Variants in ZNF254 observed in about 807,000 individuals in gnomAD.
The protein encoded by ZNF254 is zinc finger protein 254.
Under a neutral mutation model 12.4 loss-of-function variants are expected in ZNF254, and 10 were observed. The ratio of observed to expected loss-of-function variants is 0.80; its 90% confidence interval spans 0.50 to 1.36. The LOEUF is 1.36. Among genes scored for constraint, ZNF254 ranks in the 40% most tolerant of loss-of-function variants. ZNF254 has a pLI of 0.00. For synonymous variants in ZNF254, 305 were observed against 253.4 expected, an observed-to-expected ratio of 1.20 and a Z score of -1.93; for missense variants, 996 against 763.9, an observed-to-expected ratio of 1.30 and a Z score of -3.58.
intron 2 of ZNF254, among the ~76,000 whole-genome samples, chr19:24,062,299 G>C (rs375158967): frequency 6.6e-6 from 1 of 152,112 alleles, no homozygotes; most frequent in Non-Finnish European, 1.5e-5. Context: ...CCTCACACAT[G>C]AAAGAGCCCA....
At chr19:24,097,206 T>C (rs1214858874) in intron 1 of ZNF254, among the ~76,000 whole-genome samples, 2 of 152,224 alleles carry the variant, frequency 1.3e-5, no homozygotes, top group African/African-American at 2.4e-5. Flanking sequence ...GAGATTATTC[T>C]TATGATAGTC....
intron 2 of ZNF254, among the ~76,000 whole-genome samples, chr19:24,075,236 T>C (rs1393914360): frequency 6.6e-6 from 1 of 152,132 alleles, no homozygotes; most frequent in African/African-American, 2.4e-5. Context: ...GGGTCTCACA[T>C]ATTTTGAGTA....
intron 1 of ZNF254, among the ~76,000 whole-genome samples, chr19:24,043,461 T>G (rs1337811341): frequency 1.3e-5 from 2 of 152,044 alleles, no homozygotes; most frequent in Non-Finnish European, 2.9e-5. Context: ...GGCATTTCAC[T>G]ATATTGGTCA....
At chr19:24,086,424 G>A (rs1389865725), upstream of ZNF254, among the ~76,000 whole-genome samples, 1 of 151,902 alleles carries the variant, frequency 6.6e-6, no homozygotes, top group Non-Finnish European at 1.5e-5. Flanking sequence ...TGCTGCCTCA[G>A]CCACCCGAGA....
chr19:24,087,169 C>A, upstream of ZNF254: 1 of 1,148,686 alleles, frequency 8.7e-7, no homozygotes, highest in Non-Finnish European at 1.3e-6. Context: ...GACAAAGCGG[C>A]TTCCGGGATA....
At chr19:24,048,081 G>T (rs1330275310) in intron 2 of ZNF254, among the ~76,000 whole-genome samples, 1 of 128,518 alleles carries the variant, frequency 7.8e-6, no homozygotes, top group Non-Finnish European at 1.6e-5. Context: ...AGACTTAGTC[G>T]CCAGAGGGAC....
At chr19:24,118,007 G>A (rs1386290946) in intron 3 of ZNF254, among the ~76,000 whole-genome samples, 2 of 150,832 alleles carry the variant, frequency 1.3e-5, no homozygotes, top group African/African-American at 2.4e-5. Context: ...AATAGTATGT[G>A]CATCCTTGTT....
chr19:24,039,777 G>A (rs1970091691), intron 1 of ZNF254, among the ~76,000 whole-genome samples: 1 of 152,330 alleles, frequency 6.6e-6, no homozygotes, highest in South Asian at 2.1e-4. Context: ...GAAGGGAGTT[G>A]CACAGAAGAC....
intron 2 of ZNF254, among the ~76,000 whole-genome samples, chr19:24,069,003 G>GTTTCT (rs946896973): frequency 1.8e-4 from 28 of 152,048 alleles, no homozygotes; most frequent in African/African-American, 6.5e-4. Context: ...ATGATATTGC[G>GTTTCT]TTTCTTTTCT....
At chr19:24,124,801 A>G (rs775573314) in intron 3 of ZNF254, among the ~76,000 whole-genome samples, 1 of 148,986 alleles carries the variant, frequency 6.7e-6, no homozygotes, top group Non-Finnish European at 1.5e-5. Context: ...CAAGAGTCTC[A>G]CTGTATCCTC....
Position 24,129,908 on chromosome 19 carries a change from A to G in ZNF254, c.*1928A>G, listed in dbSNP as rs1242596840. ...CTGCAAGCACATATGGACTCTTAGA[A>G]TTGATTTACATAAAATTAAATATAT... is the stretch of plus-strand genomic sequence containing the variant. On this transcript the variant is annotated 3_prime_UTR_variant, in exon 4 of 4. Transcript: ENST00000357002. The G allele has an allele frequency of 6.6e-6, 1 of 152,092 alleles. No individual in the cohort carries two copies. Among genetic ancestry groups the G allele is most frequent in the Non-Finnish European group, 1.5e-5 (1 of 68,012 alleles). 9.4% of individuals were successfully genotyped at this position (152,092 alleles called of 1,614,324 possible). A position where few individuals can be genotyped will look rare whatever the true frequency, so the allele number is the denominator to read the frequency against.
At chr19:24,103,616 C>T (rs1447855499) in intron 1 of ZNF254, 3 of 152,142 alleles carry the variant, frequency 2.0e-5, no homozygotes, top group Non-Finnish European at 4.4e-5. Context: ...GTTCAAGATA[C>T]ATTCATTGAG....
At chr19:24,040,548 G>A (rs1970117095) in intron 1 of ZNF254, among the ~76,000 whole-genome samples, 1 of 152,116 alleles carries the variant, frequency 6.6e-6, no homozygotes, top group African/African-American at 2.4e-5. Flanking sequence ...TATAGTGATA[G>A]GGAAACCAGA....
At chr19:24,051,370 G>A (rs1459809780) in intron 2 of ZNF254, among the ~76,000 whole-genome samples, 2 of 151,930 alleles carry the variant, frequency 1.3e-5, no homozygotes, top group Non-Finnish European at 2.9e-5. Flanking sequence ...ATGTTGGCCA[G>A]GCTGGTCTCG....
intron 3 of ZNF254, among the ~76,000 whole-genome samples, chr19:24,109,703 CT>C (rs771215979): frequency 6.9e-6 from 1 of 145,862 alleles, no homozygotes; most frequent in African/African-American, 2.6e-5. Context: ...TTTCTTTTTT[CT>C]TTTTTCTTTT....
At chr19:24,099,602 A>G (rs755867900) in intron 1 of ZNF254, among the ~76,000 whole-genome samples, 28 of 152,206 alleles carry the variant, frequency 1.8e-4, no homozygotes, top group Non-Finnish European at 3.5e-4. Flanking sequence ...TCAAGTTGCA[A>G]ACTACCTTCT....
exon 1 of ZNF254, chr19:24,033,519 G>C (rs924630609): frequency 1.1e-4 from 25 of 221,708 alleles, no homozygotes; most frequent in South Asian, 1.1e-3. Flanking sequence ...TCTCCACCTC[G>C]GGAGCCCCTG....
At chr19:24,096,497 T>C (rs1290019463) in intron 1 of ZNF254, among the ~76,000 whole-genome samples, 1 of 152,242 alleles carries the variant, frequency 6.6e-6, no homozygotes, top group Non-Finnish European at 1.5e-5. Flanking sequence ...TTGAACTATA[T>C]TTCTGTTCAG....
At chr19:24,085,408 G>GTATA (rs377541868), upstream of ZNF254, among the ~76,000 whole-genome samples, 92 of 32,712 alleles carry the variant, frequency 2.8e-3, 11 homozygotes, top group African/African-American at 7.6e-3. Flanking sequence ...TTTGTTAAGG[G>GTATA]TATATATATA....
Sources: allele counts gnomAD v4.1 joint callset (sites outside exome capture counted in the v4.1 genomes callset), GRCh38; gene constraint gnomAD v4.1.1; transcripts MANE v1.5; gene names NCBI Gene and HGNC (gene_info 2026-07-23, HGNC 2026-07-21).